Variants in EVL observed in about 807,000 individuals in gnomAD.
EVL encodes Enah/Vasp-like, also known as ena/VASP-like protein.
EVL carries 21 observed loss-of-function variants against 59.6 expected under a neutral mutation model. That is an observed-to-expected ratio of 0.35 (90% CI 0.25 to 0.51). The LOEUF (loss-of-function observed/expected upper bound fraction) is 0.51, where lower values mean the gene tolerates loss of function less well. Among genes scored for constraint, EVL ranks in the 20% least tolerant of loss-of-function variants. The pLI, the probability that EVL is intolerant of heterozygous loss-of-function variation, is 0.97. For missense variants in EVL, 462 were observed against 546.6 expected (o/e 0.85, Z 1.54); for synonymous variants, 198 against 203.5 (o/e 0.97, Z 0.23).
At chr14:100,012,741 TTTTAC>T in intron 1 of EVL, among the ~76,000 whole-genome samples, 1 of 152,180 alleles carries the variant, frequency 6.6e-6, no homozygotes. Flanking sequence ...CTGGTGGTGG[TTTTAC>T]TTTTTCTCTT....
At chr14:100,085,686 G>A (rs1296993527) in intron 2 of EVL, among the ~76,000 whole-genome samples, 4 of 152,208 alleles carry the variant, frequency 2.6e-5, no homozygotes, top group Non-Finnish European at 4.4e-5. Context: ...AAGAATCAGC[G>A]ATCGGAAGAG....
intron 1 of EVL, among the ~76,000 whole-genome samples, chr14:100,054,049 C>CTTTT (rs11302582): frequency 1.5e-4 from 9 of 61,236 alleles, no homozygotes; most frequent in Non-Finnish European, 2.0e-4. Context: ...TATTTTTGGA[C>CTTTT]TTTTTTTTTT....
At chr14:100,004,916 A>C (rs1286607907) in intron 1 of EVL, among the ~76,000 whole-genome samples, 2 of 135,832 alleles carry the variant, frequency 1.5e-5, no homozygotes, top group Non-Finnish European at 3.3e-5. Context: ...ATACCTAAAT[A>C]ATGAAATATC....
At chr14:100,123,673 C>A in intron 4 of EVL, 71 bp downstream of exon 4, 1 of 1,525,952 alleles carries the variant, frequency 6.6e-7, no homozygotes, top group East Asian at 2.3e-5. Context: ...GTGCCTTCAG[C>A]GGGTGAGGAT....
At position 100,112,849 on chromosome 14, in the gene EVL, A is replaced by AG. The variant is rs563858218; in HGVS notation, c.359-10686dup. ...CTCTCCTCTCTAGATTGTAAGTTCC[A>AG]GGGGAGCAGTTTGTATCCACAGCTA... On this transcript the variant is annotated intron_variant, in intron 3 of 13. Transcript: ENST00000392920. Among the ~76,000 whole-genome samples, 465 of 152,296 alleles carry AG rather than the reference A, an allele frequency of 3.1e-3. 2 individuals carry two copies. Among genetic ancestry groups the AG allele is most frequent in the Non-Finnish European group, 5.6e-3 (379 of 68,034 alleles).
intron 2 of EVL, among the ~76,000 whole-genome samples, chr14:100,087,033 A>AT (rs2062459166): frequency 6.6e-6 from 1 of 152,246 alleles, no homozygotes; most frequent in Non-Finnish European, 1.5e-5. Flanking sequence ...AGACATGTTG[A>AT]GAGAATCAAA....
chr14:100,049,367 A>AC (rs2061609240), intron 1 of EVL, among the ~76,000 whole-genome samples: 1 of 152,180 alleles, frequency 6.6e-6, no homozygotes, highest in Non-Finnish European at 1.5e-5. Flanking sequence ...GCCAAAGAGC[A>AC]CATGTACTGC....
At chr14:100,035,338 G>GTT (rs33999027) in intron 1 of EVL, among the ~76,000 whole-genome samples, 93,946 of 149,040 alleles carry the variant, frequency 0.63, 33,308 homozygotes, top group Non-Finnish European at 0.78. Context: ...CAGTGTATGT[G>GTT]TTTTTTTTTC....
At chr14:100,082,999 C>T (rs1263351346) in intron 1 of EVL, among the ~76,000 whole-genome samples, 2 of 152,190 alleles carry the variant, frequency 1.3e-5, no homozygotes, top group Admixed American at 1.3e-4. Context: ...GCTTCCATGG[C>T]TGCCACACAG....
At chr14:100,021,820 G>C (rs1158411622) in intron 1 of EVL, among the ~76,000 whole-genome samples, 2 of 152,268 alleles carry the variant, frequency 1.3e-5, no homozygotes, top group African/African-American at 4.8e-5. Flanking sequence ...GCAAAGGCAG[G>C]GTGGAGGTAC....
Position 99,973,036 on chromosome 14 carries a change from C to T in EVL, c.5+979C>T, listed in dbSNP as rs192694079. On this transcript the variant is annotated intron_variant, in intron 1 of 13. Coordinates refer to the EVL transcript ENST00000402714. ...TGTTGTAAGAATATACCACAGTGTACGCATTCTACTGTTACTAGACATTTT... is the reference window on the plus strand; with the variant it reads ...TGTTGTAAGAATATACCACAGTGTATGCATTCTACTGTTACTAGACATTTT... Among the ~76,000 whole-genome samples, 515 of 152,000 alleles carry T rather than the reference C, an allele frequency of 3.4e-3. 3 individuals carry two copies. Among genetic ancestry groups the T allele is most frequent in the African/African-American group, 0.012 (496 of 41,502 alleles).
At chr14:99,974,960 G>A (rs1393065283) in intron 1 of EVL, 1 of 152,624 alleles carries the variant, frequency 6.6e-6, no homozygotes, top group Non-Finnish European at 1.5e-5. Flanking sequence ...TAGAGCTTCA[G>A]GGACTTAATC....
intron 1 of EVL, among the ~76,000 whole-genome samples, chr14:100,008,660 C>A (rs960754145): frequency 1.3e-5 from 2 of 152,086 alleles, no homozygotes; most frequent in African/African-American, 2.4e-5. Flanking sequence ...CCATTTTTTT[C>A]ATGGTAGTAT....
intron 1 of EVL, among the ~76,000 whole-genome samples, chr14:100,008,339 C>T (rs181907336): frequency 2.8e-4 from 42 of 152,298 alleles, no homozygotes; most frequent in African/African-American, 9.9e-4. Flanking sequence ...CACTTCAGTT[C>T]TAATTCCATC....
chr14:100,030,682 C>T (rs2061300667), intron 1 of EVL, among the ~76,000 whole-genome samples: 1 of 152,188 alleles, frequency 6.6e-6, no homozygotes, highest in African/African-American at 2.4e-5. Flanking sequence ...CAGCTGAGAG[C>T]TTGGATCTTG....
At chr14:100,113,232 AG>A (rs1206156039) in intron 3 of EVL, among the ~76,000 whole-genome samples, 1 of 152,140 alleles carries the variant, frequency 6.6e-6, no homozygotes, top group Non-Finnish European at 1.5e-5. Context: ...GAGAAGAGAA[AG>A]GGGAGGCTGA....
chr14:99,976,471 CTGTT>C (rs1322295025), intron 1 of EVL, among the ~76,000 whole-genome samples: 1 of 152,034 alleles, frequency 6.6e-6, no homozygotes, highest in Non-Finnish European at 1.5e-5. Flanking sequence ...TTATGGCAAT[CTGTT>C]AGTTGTTTCC....
intron 1 of EVL, among the ~76,000 whole-genome samples, chr14:100,021,248 T>C (rs1005882286): frequency 6.6e-6 from 1 of 152,172 alleles, no homozygotes; most frequent in African/African-American, 2.4e-5. Context: ...CCACTCGCAT[T>C]GTGGTGGGCT....
intron 1 of EVL, among the ~76,000 whole-genome samples, chr14:100,013,901 C>T (rs1241917978): frequency 6.6e-6 from 1 of 152,154 alleles, no homozygotes; most frequent in Non-Finnish European, 1.5e-5. Context: ...TTTATGGTTA[C>T]ATAGTAGATA....
Sources: allele counts gnomAD v4.1 joint callset (sites outside exome capture counted in the v4.1 genomes callset), GRCh38; gene constraint gnomAD v4.1.1; transcripts MANE v1.5; gene names NCBI Gene and HGNC (gene_info 2026-07-23, HGNC 2026-07-21).